Variants in PLCB4 observed in about 807,000 individuals in gnomAD.
PLCB4 encodes the protein 1-phosphatidylinositol 4,5-bisphosphate phosphodiesterase beta-4.
In PLCB4, 77 loss-of-function variants were observed where a neutral mutation model predicts 178.8. The ratio of observed to expected loss-of-function variants is 0.43; its 90% CI spans 0.36 to 0.52. The LOEUF (loss-of-function observed/expected upper bound fraction) is 0.52, where lower values mean the gene tolerates loss of function less well. PLCB4 is among the 20% of genes least tolerant of loss of function. PLCB4 has a pLI of 0.00. For synonymous variants in PLCB4, 496 were observed against 490.8 expected, an observed-to-expected ratio of 1.01 and a Z score of -0.14; for missense variants, 1,024 against 1,453.4, an observed-to-expected ratio of 0.70 and a Z score of 4.80.
chr20:9,409,301 A>G (rs1329434977), intron 24 of PLCB4, 120 bp downstream of exon 24: 5 of 682,894 alleles, frequency 7.3e-6, no homozygotes, highest in Non-Finnish European at 1.2e-5. Context: ...TGGCAAAGCA[A>G]TGTGTTATTG....
intron 2 of PLCB4, among the ~76,000 whole-genome samples, chr20:9,200,391 T>G (rs1012410049): frequency 6.6e-6 from 1 of 152,208 alleles, no homozygotes; most frequent in Non-Finnish European, 1.5e-5. Flanking sequence ...ACCACGCCAC[T>G]GTCATCACTC....
At chr20:9,088,140 C>T (rs1269663840) in intron 1 of PLCB4, among the ~76,000 whole-genome samples, 1 of 151,286 alleles carries the variant, frequency 6.6e-6, no homozygotes, top group African/African-American at 2.4e-5. Flanking sequence ...TCTGTCATTG[C>T]AGATAGCCTC....
intron 2 of PLCB4, among the ~76,000 whole-genome samples, chr20:9,157,280 CA>C (rs1305114640): frequency 6.6e-6 from 1 of 150,658 alleles, no homozygotes; most frequent in Non-Finnish European, 1.5e-5. Context: ...AGCAGATTTT[CA>C]AAAAGTCTCA....
chr20:9,321,634 G>GT (rs941914729), intron 4 of PLCB4, among the ~76,000 whole-genome samples: 3 of 151,878 alleles, frequency 2.0e-5, no homozygotes, highest in Admixed American at 2.0e-4. Flanking sequence ...TAGGTTTTTT[G>GT]TTTTTTGTTT....
At chr20:9,150,229 C>T (rs2092669168) in intron 2 of PLCB4, among the ~76,000 whole-genome samples, 1 of 152,114 alleles carries the variant, frequency 6.6e-6, no homozygotes. Flanking sequence ...GGTGAATGCT[C>T]AACACTATTA....
At chr20:9,265,293 G>A (rs1209143979) in intron 3 of PLCB4, among the ~76,000 whole-genome samples, 1 of 152,016 alleles carries the variant, frequency 6.6e-6, no homozygotes, top group Non-Finnish European at 1.5e-5. Flanking sequence ...GACCAGCCTG[G>A]CCAACGTGGC....
intron 1 of PLCB4, among the ~76,000 whole-genome samples, chr20:9,091,062 C>T (rs1300946820): frequency 6.6e-6 from 1 of 152,038 alleles, no homozygotes; most frequent in Non-Finnish European, 1.5e-5. Flanking sequence ...AGACCAGGGT[C>T]CCCAGGGTCT....
chr20:9,103,353 T>G (rs1051715690), intron 2 of PLCB4, among the ~76,000 whole-genome samples: 10 of 152,204 alleles, frequency 6.6e-5, no homozygotes, highest in African/African-American at 2.4e-4. Flanking sequence ...GATAAACCCA[T>G]TACATGTTAA....
At chr20:9,395,767 C>T in intron 19 of PLCB4, 149 bp downstream of exon 19, 1 of 552,656 alleles carries the variant, frequency 1.8e-6, no homozygotes, top group South Asian at 2.0e-5. Flanking sequence ...AGTTCAAGAC[C>T]AGCCTGGGCA....
At chr20:9,395,899 A>C (rs2148439816) in intron 19 of PLCB4, among the ~76,000 whole-genome samples, 1 of 152,252 alleles carries the variant, frequency 6.6e-6, no homozygotes, top group East Asian at 1.9e-4. Context: ...TTGAGCCCAG[A>C]GGTTCAAGGC....
chr20:9,367,732 A>G (rs1198660409), intron 9 of PLCB4, among the ~76,000 whole-genome samples: 1 of 152,220 alleles, frequency 6.6e-6, no homozygotes, highest in Non-Finnish European at 1.5e-5. Context: ...TTTCATTTGT[A>G]TGTATCCTAT....
chr20:9,195,743 C>G (rs1315750741), intron 2 of PLCB4, among the ~76,000 whole-genome samples: 4 of 152,134 alleles, frequency 2.6e-5, no homozygotes, highest in African/African-American at 9.7e-5. Flanking sequence ...GATTGTGGGA[C>G]TTCTTGGCCT....
chr20:9,399,611 C>G (rs1375308727), intron 19 of PLCB4, among the ~76,000 whole-genome samples: 1 of 152,168 alleles, frequency 6.6e-6, no homozygotes. Flanking sequence ...GGATAGGAGA[C>G]AAGTAGTGGA....
intron 3 of PLCB4, among the ~76,000 whole-genome samples, chr20:9,257,661 C>T (rs2147522761): frequency 6.6e-6 from 1 of 152,136 alleles, no homozygotes; most frequent in Admixed American, 6.5e-5. Context: ...ATGAAGAAGC[C>T]ACATAGATAC....
intron 3 of PLCB4, among the ~76,000 whole-genome samples, chr20:9,290,043 C>G (rs1271793849): frequency 6.6e-6 from 1 of 151,862 alleles, no homozygotes; most frequent in African/African-American, 2.4e-5. Context: ...GCATCTCTTG[C>G]CTAATGAGAA....
At chr20:9,318,065 A>C (rs1275491212) in intron 4 of PLCB4, among the ~76,000 whole-genome samples, 1 of 152,086 alleles carries the variant, frequency 6.6e-6, no homozygotes, top group African/African-American at 2.4e-5. Context: ...CAGAAGAATC[A>C]CTTGAACCCT....
At chr20:9,249,058 A>G (rs1395589230) in intron 3 of PLCB4, among the ~76,000 whole-genome samples, 1 of 152,012 alleles carries the variant, frequency 6.6e-6, no homozygotes, top group East Asian at 1.9e-4. Flanking sequence ...CTTTCTTACA[A>G]TGTCATCTCT....
chr20:9,272,200 AG>A (rs1285666926), intron 3 of PLCB4, among the ~76,000 whole-genome samples: 2 of 150,678 alleles, frequency 1.3e-5, no homozygotes, highest in Non-Finnish European at 2.9e-5. Context: ...AAAAAAAAAA[AG>A]AGAGAAAGAA....
At chr20:9,261,283 A>T (rs577061452) in intron 3 of PLCB4, among the ~76,000 whole-genome samples, 1 of 152,224 alleles carries the variant, frequency 6.6e-6, no homozygotes, top group South Asian at 2.1e-4. Flanking sequence ...CTAATCATAT[A>T]TGTGCGTGTG....
Sources: gnomAD v4.1 joint callset for allele counts (sites outside exome capture counted in the v4.1 genomes callset) on GRCh38, gnomAD v4.1.1 for gene constraint, MANE v1.5 for transcripts, NCBI Gene and HGNC (gene_info 2026-07-23, HGNC 2026-07-21) for gene names.